Variants in LDLRAD3 observed in about 807,000 individuals in gnomAD.
LDLRAD3 encodes the protein low density lipoprotein receptor class A domain containing 3.
LDLRAD3 carries 20 observed loss-of-function variants against 29.4 expected under a neutral mutation model. That is an observed-to-expected ratio of 0.68 (90% CI 0.48 to 0.99). The LOEUF (loss-of-function observed/expected upper bound fraction) is 0.99, where lower values mean the gene tolerates loss of function less well. Ranked by LOEUF, LDLRAD3 falls within the 50% of genes least tolerant of loss-of-function variation. The pLI is 0.00. For missense variants in LDLRAD3, 420 were observed against 454.3 expected, an observed-to-expected ratio of 0.92 and a Z score of 0.69; for synonymous variants, 157 against 192.7, an observed-to-expected ratio of 0.81 and a Z score of 1.53.
chr11:35,949,736 T>C lies in LDLRAD3; in HGVS notation c.46+5592T>C, dbSNP rs756341658. 5.7e-4 allele frequency among the ~76,000 whole-genome samples: 87 copies of C among 152,252 alleles called. 1 individual carries two copies. The highest frequency in any genetic ancestry group is 3.4e-3 in the Middle Eastern group (1 of 294). ...CTCTGTTCCAAACCTTCCTTAAGAA[T>C]TGTGCTTCCACCTCTCTTCAGACTA... On this transcript the variant is annotated intron_variant, in intron 1 of 5. Transcript: ENST00000315571.
chr11:36,052,635 A>G (rs1852545253), intron 2 of LDLRAD3, among the ~76,000 whole-genome samples: 1 of 152,122 alleles, frequency 6.6e-6, no homozygotes, highest in Non-Finnish European at 1.5e-5. Flanking sequence ...ACATTATTTA[A>G]TCTCTCTGTG....
chr11:36,150,696 C>T (rs1005393670), intron 4 of LDLRAD3, among the ~76,000 whole-genome samples: 2 of 151,806 alleles, frequency 1.3e-5, no homozygotes, highest in Non-Finnish European at 2.9e-5. Context: ...CAGAGGTTGC[C>T]GTGAGCCAAG....
intron 3 of LDLRAD3, among the ~76,000 whole-genome samples, chr11:36,085,696 C>T (rs1362842787): frequency 6.6e-6 from 1 of 152,068 alleles, no homozygotes; most frequent in Non-Finnish European, 1.5e-5. Flanking sequence ...ACTGCAGCCT[C>T]AACTTCCTGA....
intron 2 of LDLRAD3, among the ~76,000 whole-genome samples, chr11:36,036,895 T>C (rs1314830301): frequency 6.6e-6 from 1 of 152,138 alleles, no homozygotes; most frequent in Non-Finnish European, 1.5e-5. Context: ...ACCTGTTTCA[T>C]GACGCCGAAA....
At chr11:36,046,269 A>AAGACG (rs1236782721) in intron 2 of LDLRAD3, among the ~76,000 whole-genome samples, 1 of 152,168 alleles carries the variant, frequency 6.6e-6, no homozygotes, top group Non-Finnish European at 1.5e-5. Flanking sequence ...GCCGCCATGC[A>AAGACG]AGACGTGGCT....
At chr11:36,074,966 G>A (rs1405238086) in intron 2 of LDLRAD3, among the ~76,000 whole-genome samples, 4 of 152,178 alleles carry the variant, frequency 2.6e-5, no homozygotes, top group African/African-American at 7.2e-5. Flanking sequence ...TGGAACATTG[G>A]CCCTTGGCTG....
intron 2 of LDLRAD3, among the ~76,000 whole-genome samples, chr11:36,044,386 C>T (rs1174732162): frequency 1.3e-5 from 2 of 152,066 alleles, no homozygotes; most frequent in African/African-American, 4.8e-5. Context: ...AGGCTTGTAG[C>T]TGGTGCCTGG....
At chr11:36,121,020 G>A (rs2133295977) in intron 4 of LDLRAD3, among the ~76,000 whole-genome samples, 1 of 152,210 alleles carries the variant, frequency 6.6e-6, no homozygotes, top group African/African-American at 2.4e-5. Flanking sequence ...ATAAATGTTT[G>A]TTGTTCACCT....
intron 4 of LDLRAD3, among the ~76,000 whole-genome samples, chr11:36,121,385 A>G (rs1853755220): frequency 6.6e-6 from 1 of 152,014 alleles, no homozygotes; most frequent in Non-Finnish European, 1.5e-5. Flanking sequence ...CGAGGCTGGA[A>G]TATAAATGAA....
Position 36,227,376 on chromosome 11 carries a change from A to G in LDLRAD3, c.746A>G (p.Asn249Ser), listed in dbSNP as rs775524868. The change falls in exon 5 of 6, where the codon AAT becomes AGT. Residue 249 changes from asparagine (N) to serine (S), a missense_variant. Physicochemically the swap from Asn to Ser is conservative, Grantham distance 46 (BLOSUM62 1). This residue lies in a region of LDLRAD3 where 140 missense variants were observed against 139.9 expected (regional missense o/e 1.00). Transcript: ENST00000315571. ...TATGTGGCCAGCCAGGCGGAGCAGA[A>G]TGCGTCGGAAGTAGGCTCCCCACCC... The part of the protein sequence containing the change: ...IQYVASQAEQ[N>S]ASEVGSPPSY... The G allele has an allele frequency of 4.3e-6, 7 of 1,612,358 alleles. No homozygotes were observed. The East Asian group carries it at 1.6e-4, about 36-fold the overall frequency.
intron 1 of LDLRAD3, among the ~76,000 whole-genome samples, chr11:35,970,491 C>A (rs1016748734): frequency 6.6e-6 from 1 of 152,108 alleles, no homozygotes; most frequent in African/African-American, 2.4e-5. Context: ...ATGGCCCTGC[C>A]GACACCTTGA....
At chr11:36,083,480 C>G (rs1853147250) in intron 3 of LDLRAD3, among the ~76,000 whole-genome samples, 1 of 151,964 alleles carries the variant, frequency 6.6e-6, no homozygotes. Flanking sequence ...GTTGGAGATA[C>G]TAGATTGCTG....
At chr11:35,956,139 G>C (rs1309021491) in intron 1 of LDLRAD3, among the ~76,000 whole-genome samples, 1 of 152,194 alleles carries the variant, frequency 6.6e-6, no homozygotes, top group Admixed American at 6.5e-5. Context: ...AAAGGTTACT[G>C]AGGAGAAGGT....
At chr11:36,079,837 G>A (rs536839765) in intron 2 of LDLRAD3, among the ~76,000 whole-genome samples, 3 of 152,278 alleles carry the variant, frequency 2.0e-5, no homozygotes, top group African/African-American at 7.2e-5. Context: ...CCTCTTACTT[G>A]TTGTTGCTTA....
chr11:36,165,975 TCCC>T (rs1854509195), intron 4 of LDLRAD3, among the ~76,000 whole-genome samples: 2 of 36,564 alleles, frequency 5.5e-5, no homozygotes, highest in African/African-American at 2.1e-4. Flanking sequence ...CCTCCCTCCC[TCCC>T]TTCCTTCCTT....
Position 36,047,415 on chromosome 11 carries a change from T to C in LDLRAD3, c.193+11166T>C, listed in dbSNP as rs180746738. Among the ~76,000 whole-genome samples the C allele has an allele frequency of 1.9e-3, 295 of 152,300 alleles. 1 individual carries two copies. Among genetic ancestry groups the C allele is most frequent in the African/African-American group, 6.7e-3 (278 of 41,574 alleles). On this transcript the variant is annotated intron_variant, in intron 2 of 5. Coordinates refer to ENST00000315571, the MANE Select transcript of LDLRAD3 (RefSeq NM_174902.4). ...CACATTTTTTCCCCACATTTTTCAA[T>C]GGGCTAAGAAAACACAGTGTCCTAA...
intron 1 of LDLRAD3, among the ~76,000 whole-genome samples, chr11:36,018,321 A>G (rs1378991091): frequency 6.6e-6 from 1 of 152,118 alleles, no homozygotes; most frequent in African/African-American, 2.4e-5. Flanking sequence ...GCTTTTTTCA[A>G]ACTGATGTCT....
intron 4 of LDLRAD3, among the ~76,000 whole-genome samples, chr11:36,143,069 C>T (rs1854110338): frequency 6.6e-6 from 1 of 152,206 alleles, no homozygotes; most frequent in African/African-American, 2.4e-5. Flanking sequence ...CTTAACATTG[C>T]AGATGCATAT....
intron 4 of LDLRAD3, among the ~76,000 whole-genome samples, chr11:36,099,764 C>A (rs1853418043): frequency 6.6e-6 from 1 of 152,110 alleles, no homozygotes; most frequent in Non-Finnish European, 1.5e-5. Context: ...TGAGAGTGGG[C>A]TACAAACCAA....
Sources: allele counts gnomAD v4.1 joint callset (sites outside exome capture counted in the v4.1 genomes callset), GRCh38; gene constraint gnomAD v4.1.1; regional missense constraint gnomAD v4.1.1; transcripts MANE v1.5; gene names NCBI Gene and HGNC (gene_info 2026-07-23, HGNC 2026-07-21).